The following MCF2L variants were observed in gnomAD, a reference collection of about 807,000 sequenced individuals.
The protein encoded by MCF2L is MCF.2 cell line derived transforming sequence like.
Under a neutral mutation model 153.4 loss-of-function variants are expected in MCF2L, and 97 were observed. The ratio of observed to expected loss-of-function variants is 0.63; its 90% CI spans 0.54 to 0.75. The LOEUF (loss-of-function observed/expected upper bound fraction) is 0.75, where lower values mean the gene tolerates loss of function less well. Ranked by LOEUF, MCF2L falls within the 30% of genes least tolerant of loss-of-function variation. The pLI, the probability that MCF2L is intolerant of heterozygous loss-of-function variation, is 0.00. For synonymous variants in MCF2L, 659 were observed against 632.2 expected, an observed-to-expected ratio of 1.04 and a Z score of -0.64; for missense variants, 1,347 against 1,495.2, an observed-to-expected ratio of 0.90 and a Z score of 1.64.
At chr13:113,095,954 G>A (rs2035610699) in intron 27 of MCF2L, 2 of 462,332 alleles carry the variant, frequency 4.3e-6, no homozygotes, top group Non-Finnish European at 6.5e-6. Flanking sequence ...GCTTGGGGAG[G>A]TTGGGCAGGA....
chr13:113,080,415 GC>G (rs2141982472), intron 15 of MCF2L, among the ~76,000 whole-genome samples: 1 of 152,320 alleles, frequency 6.6e-6, no homozygotes, highest in Admixed American at 6.5e-5. Context: ...GGAGTCCAGA[GC>G]CCTCTTGCTC....
At chr13:112,926,910 T>G (rs890469104) in intron 2 of MCF2L, among the ~76,000 whole-genome samples, 1 of 152,202 alleles carries the variant, frequency 6.6e-6, no homozygotes, top group Non-Finnish European at 1.5e-5. Context: ...TTCCCACCAC[T>G]AAGAAATAAG....
intron 1 of MCF2L, among the ~76,000 whole-genome samples, chr13:113,010,759 G>A (rs2084040773): frequency 6.6e-6 from 1 of 152,096 alleles, no homozygotes; most frequent in South Asian, 2.1e-4. Context: ...GTTGGTTGGA[G>A]CAGGGCTCAG....
chr13:112,959,172 T>C (rs1164309273), intron 2 of MCF2L, among the ~76,000 whole-genome samples: 1 of 152,178 alleles, frequency 6.6e-6, no homozygotes, highest in Admixed American at 6.5e-5. Context: ...AGACATACCA[T>C]ATGCTTTTTT....
intron 3 of MCF2L, among the ~76,000 whole-genome samples, chr13:113,037,756 A>C (rs1431547964): frequency 6.6e-6 from 1 of 152,232 alleles, no homozygotes; most frequent in Non-Finnish European, 1.5e-5. Context: ...TGAGGTATTG[A>C]ACGCTTTGCC....
intron 1 of MCF2L, among the ~76,000 whole-genome samples, chr13:112,989,752 G>C (rs2082826188): frequency 6.6e-6 from 1 of 152,250 alleles, no homozygotes; most frequent in African/African-American, 2.4e-5. Context: ...TCCTTCCTGA[G>C]CTCTTAGACT....
chr13:113,080,408 G>A (rs1204572141), intron 15 of MCF2L, among the ~76,000 whole-genome samples: 1 of 152,184 alleles, frequency 6.6e-6, no homozygotes, highest in South Asian at 2.1e-4. Flanking sequence ...GTGAGAGGGA[G>A]TCCAGAGCCC....
chr13:112,997,126 G>A (rs76310410), intron 1 of MCF2L, among the ~76,000 whole-genome samples: 4,222 of 152,302 alleles, frequency 0.028, 210 homozygotes, highest in African/African-American at 0.096. Flanking sequence ...TCTCCATCTG[G>A]GGAGAGCAAC....
At chr13:112,913,491 A>G (rs1432569718) in intron 2 of MCF2L, among the ~76,000 whole-genome samples, 1 of 152,208 alleles carries the variant, frequency 6.6e-6, no homozygotes, top group African/African-American at 2.4e-5. Flanking sequence ...TCTCGGGGAC[A>G]AATGTGATCT....
intron 9 of MCF2L, among the ~76,000 whole-genome samples, chr13:113,071,220 A>G (rs1182967279): frequency 1.3e-5 from 2 of 151,660 alleles, no homozygotes; most frequent in Admixed American, 1.3e-4. Context: ...TCTGTTGCCC[A>G]TTTTCTAACT....
At position 113,082,065 on chromosome 13, in the gene MCF2L, G is replaced by A. The variant is rs367603398; in HGVS notation, c.1876-362G>A. ...AGGTGGTGGTCACCCAAATGTAGACGGGTGTCTGAGTCACCGAGTGTGCAC... is the reference window on the plus strand; with the variant it reads ...AGGTGGTGGTCACCCAAATGTAGACAGGTGTCTGAGTCACCGAGTGTGCAC... On this transcript the variant is annotated intron_variant, in intron 16 of 29. Transcript: ENST00000535094. 8.6e-5 allele frequency among the ~76,000 whole-genome samples: 13 copies of A among 152,038 alleles called. No homozygotes were observed. In the East Asian group the frequency reaches 1.7e-3, roughly 20 times the overall value.
chr13:113,002,835 A>G (rs889902570), intron 1 of MCF2L, among the ~76,000 whole-genome samples: 8 of 152,216 alleles, frequency 5.3e-5, no homozygotes, highest in Admixed American at 4.6e-4. Context: ...GACCTTAACT[A>G]TCAACGGCAA....
intron 1 of MCF2L, among the ~76,000 whole-genome samples, chr13:112,976,909 C>T (rs2082234740): frequency 6.6e-6 from 1 of 152,192 alleles, no homozygotes; most frequent in Non-Finnish European, 1.5e-5. Flanking sequence ...CTTCCCAGTG[C>T]TGCTGTCACT....
chr13:113,090,479 C>T (rs2035101734), intron 26 of MCF2L: 1 of 984,682 alleles, frequency 1.0e-6, no homozygotes, highest in Admixed American at 6.2e-5. Flanking sequence ...GGTGAGTTCC[C>T]TGCAGGGTGC....
At position 113,070,087 on chromosome 13, in the gene MCF2L, G is replaced by T; in HGVS notation, c.910G>T (p.Ala304Ser). The T allele has an allele frequency of 6.2e-7, 1 of 1,609,804 alleles. No homozygotes were observed. Among genetic ancestry groups the T allele is most frequent in the South Asian group, 1.1e-5 (1 of 90,552 alleles). The change falls in exon 9 of 30, where the codon GCT (alanine) becomes TCT (serine). Residue 304 changes from alanine (A) to serine (S), a missense_variant. Around this residue, in one of 3 missense-constraint regions of MCF2L, gnomAD observed 820 missense variants for 921.2 expected, o/e 0.89. Transcript: ENST00000535094. This position sits in a 1 kb window ranked among gnomAD's most constrained non-coding sequence, Gnocchi z 5.6. The part of the protein sequence containing the change: ...RLLAQLNETE[A>S]AFDEFWAKHQ... ...CCTGGCCCAGCTGAACGAAACCGAG[G>T]CTGCCTTCGATGAGTTCTGGGCAAA...
chr13:112,929,811 G>A (rs531444813), intron 2 of MCF2L, among the ~76,000 whole-genome samples: 3 of 152,304 alleles, frequency 2.0e-5, no homozygotes, highest in East Asian at 1.9e-4. Flanking sequence ...GACTTGGGAC[G>A]GTCACTGTGG....
intron 2 of MCF2L, among the ~76,000 whole-genome samples, chr13:112,963,162 C>T (rs565723748): frequency 1.3e-5 from 2 of 152,196 alleles, no homozygotes; most frequent in African/African-American, 2.4e-5. Flanking sequence ...TGAAAGGGCC[C>T]GTGGCTCCCA....
upstream of MCF2L, among the ~76,000 whole-genome samples, chr13:112,964,283 AC>A (rs1430036653): frequency 1.3e-5 from 2 of 152,222 alleles, no homozygotes; most frequent in Non-Finnish European, 2.9e-5. Flanking sequence ...AGGTCTCCCC[AC>A]CATGCAGAAA....
intron 1 of MCF2L, among the ~76,000 whole-genome samples, chr13:112,975,627 C>T (rs1217698786): frequency 2.6e-5 from 4 of 152,190 alleles, no homozygotes; most frequent in Admixed American, 1.3e-4. Flanking sequence ...CTGTGCACAG[C>T]AGGGAGCCGC....
Sources: allele counts gnomAD v4.1 joint callset (sites outside exome capture counted in the v4.1 genomes callset), GRCh38; gene constraint gnomAD v4.1.1; regional missense constraint gnomAD v4.1.1; non-coding constraint Gnocchi (gnomAD v3.1); transcripts MANE v1.5; gene names NCBI Gene and HGNC (gene_info 2026-07-23, HGNC 2026-07-21).